Variants in MACF1 observed in about 807,000 individuals in gnomAD.
MACF1 encodes the protein microtubule-actin cross-linking factor 1.
MACF1 carries 193 observed loss-of-function variants against 854.8 expected under a neutral mutation model. The observed-to-expected ratio is 0.23, with a 90% CI of 0.20 to 0.25. The LOEUF (loss-of-function observed/expected upper bound fraction) is 0.25, where lower values mean the gene tolerates loss of function less well. Ranked by LOEUF, MACF1 falls within the 10% of genes least tolerant of loss-of-function variation. The pLI is 1.00. For missense variants in MACF1, 7,722 were observed against 8,929.1 expected (o/e 0.86, Z 5.45); for synonymous variants, 3,185 against 3,226.7 (o/e 0.99, Z 0.44).
At chr1:39,198,697 C>T (rs1435500642) in intron 2 of MACF1, among the ~76,000 whole-genome samples, 1 of 150,380 alleles carries the variant, frequency 6.6e-6, no homozygotes, top group Non-Finnish European at 1.5e-5. Context: ...TGGTGGCACA[C>T]ACCTGTAGTC....
chr1:39,217,376 A>C (rs1211314393), intron 1 of MACF1, among the ~76,000 whole-genome samples: 1 of 151,590 alleles, frequency 6.6e-6, no homozygotes, highest in Non-Finnish European at 1.5e-5. Flanking sequence ...AGGGGCTCAA[A>C]CGATTCTCCT....
intron 97 of MACF1, 141 bp from the exon 98 acceptor site, chr1:39,479,657 T>G: frequency 1.5e-6 from 1 of 674,936 alleles, no homozygotes; most frequent in South Asian, 1.9e-5. Flanking sequence ...TGAATTTATC[T>G]CTATTTTTGA....
At chr1:39,207,282 C>CTT (rs199750797) in intron 1 of MACF1, among the ~76,000 whole-genome samples, 1 of 133,312 alleles carries the variant, frequency 7.5e-6, no homozygotes. Flanking sequence ...TTCTTTCTTT[C>CTT]TTTTTTTTTT....
At chr1:39,131,929 G>T (rs1273397000) in intron 2 of MACF1, among the ~76,000 whole-genome samples, 1 of 152,218 alleles carries the variant, frequency 6.6e-6, no homozygotes, top group Non-Finnish European at 1.5e-5. Flanking sequence ...TTACAGGCAT[G>T]AGCCACTGCA....
intron 49 of MACF1, among the ~76,000 whole-genome samples, chr1:39,366,458 C>T (rs1262553849): frequency 6.6e-6 from 1 of 151,728 alleles, no homozygotes; most frequent in Non-Finnish European, 1.5e-5. Flanking sequence ...GTCTCAGCCT[C>T]CCCAGCAACT....
rs776650958 is a variant in MACF1 at position 39,282,422 on chromosome 1, C to G, written c.695+48C>G. On this transcript the variant is annotated intron_variant, in intron 7 of 100. Coordinates refer to ENST00000564288, the MANE Select transcript of MACF1 (RefSeq NM_001394062.1). ...GCTCCTGCAGGGCTTTTTCTCATCT[C>G]TTGTTTGTAATTAGTTATAATACTG... The G allele has an allele frequency of 5.7e-5, 89 of 1,560,878 alleles. No individual in the cohort carries two copies. The South Asian group carries it at 9.7e-4, about 17-fold the overall frequency.
chr1:39,133,971 G>A (rs1442951796), intron 2 of MACF1, among the ~76,000 whole-genome samples: 1 of 150,668 alleles, frequency 6.6e-6, no homozygotes, highest in Non-Finnish European at 1.5e-5. Flanking sequence ...GTTTGCTAGG[G>A]ATTTGCGTGG....
chr1:39,245,619 A>C (rs1274189775), intron 2 of MACF1, among the ~76,000 whole-genome samples: 1 of 152,118 alleles, frequency 6.6e-6, no homozygotes, highest in Non-Finnish European at 1.5e-5. Context: ...TGGGAGTGGT[A>C]GCTCACACCT....
At chr1:39,376,308 TTTTGAAAATCAG>T (rs1462157653) in intron 52 of MACF1, among the ~76,000 whole-genome samples, 12 of 152,196 alleles carry the variant, frequency 7.9e-5, no homozygotes, top group Admixed American at 1.3e-4. Context: ...TTTTAGGGTG[TTTTGAAAATCAG>T]TTTGAAAATT....
At position 39,199,433 on chromosome 1, in the gene MACF1, T is replaced by C. The variant is rs1308652619; in HGVS notation, c.221-31749T>C. Among the ~76,000 whole-genome samples the C allele has an allele frequency of 2.0e-5, 3 of 152,002 alleles. No homozygotes were observed. In the East Asian group the frequency reaches 5.8e-4, roughly 30 times the overall value. ...TAGGCAGGAGGATTGCTTGATTCCA[T>C]GAGTTTGAGACCAACCTGGGCTGTA... On this transcript the variant is annotated intron_variant, in intron 2 of 93. Transcript: ENST00000361689.
Position 39,358,739 on chromosome 1 carries a change from T to C in MACF1, c.11986T>C (p.Tyr3996His). Residue 3996 changes from tyrosine to histidine, a missense_variant, in exon 46 of 101, where the codon TAT (tyrosine) becomes CAT (histidine). Around this residue, in one of 15 missense-constraint regions of MACF1, gnomAD observed 2,807 missense variants for 3,235.8 expected, o/e 0.87. Transcript: ENST00000564288. ...TCACCTGAATATGCTGTTAGGCCAG[T>C]ATCATCAATTCCAAAACAGTGCTGA... ...GSHLNMLLGQ[Y>H]HQFQNSADSL... is the part of the protein sequence containing the mutation. 6.2e-7 allele frequency: 1 copy of C among 1,614,146 alleles called. No individual in the cohort carries two copies. The highest frequency in any genetic ancestry group is 8.5e-7 in the Non-Finnish European group (1 of 1,180,026).
chr1:39,471,419 A>G (rs1243300715), intron 97 of MACF1, among the ~76,000 whole-genome samples: 1 of 152,228 alleles, frequency 6.6e-6, no homozygotes, highest in East Asian at 1.9e-4. Context: ...AGAATGCTAT[A>G]CTGAGGACAG....
intron 2 of MACF1, among the ~76,000 whole-genome samples, chr1:39,139,680 T>C (rs1026049287): frequency 3.9e-5 from 6 of 152,220 alleles, no homozygotes; most frequent in African/African-American, 1.4e-4. Flanking sequence ...CCATCTCAAA[T>C]GTTACTTTTT....
chr1:39,323,683 ATCT>A (rs1219210578), intron 33 of MACF1, among the ~76,000 whole-genome samples: 1 of 152,014 alleles, frequency 6.6e-6, no homozygotes, highest in Non-Finnish European at 1.5e-5. Flanking sequence ...AACTGTAAAA[ATCT>A]TCTGTCTTTG....
chr1:39,422,241 A>G, intron 58 of MACF1, 133 bp from the exon 59 acceptor site: 1 of 637,740 alleles, frequency 1.6e-6, no homozygotes, highest in Non-Finnish European at 2.7e-6. Context: ...TCACGTGCAA[A>G]TGCTTGTTCT....
At chr1:39,267,039 A>G (rs1056751326) in intron 6 of MACF1, among the ~76,000 whole-genome samples, 19 of 152,148 alleles carry the variant, frequency 1.2e-4, no homozygotes, top group Non-Finnish European at 1.2e-4. Context: ...CTAATTACCA[A>G]TTCAGAACAG....
chr1:39,354,145 C>T (rs1403790518), intron 44 of MACF1, among the ~76,000 whole-genome samples: 1 of 152,184 alleles, frequency 6.6e-6, no homozygotes, highest in African/African-American at 2.4e-5. Context: ...TATACTTGAG[C>T]ATCTGCTTAT....
At chr1:39,205,220 C>T in intron 1 of MACF1, 89 bp downstream of exon 1, 2 of 687,422 alleles carry the variant, frequency 2.9e-6, no homozygotes, top group Non-Finnish European at 5.3e-6. Flanking sequence ...AGTTGCTTTC[C>T]TTAAAGGGCC....
chr1:39,436,534 C>T (rs889958254), intron 70 of MACF1: 10 of 1,591,512 alleles, frequency 6.3e-6, no homozygotes, highest in African/African-American at 1.3e-5. Context: ...TCTTATAATG[C>T]TGAAAATTGA....
Sources: gnomAD v4.1 joint callset for allele counts (sites outside exome capture counted in the v4.1 genomes callset) on GRCh38, gnomAD v4.1.1 for gene constraint, gnomAD v4.1.1 regional missense constraint, MANE v1.5 for transcripts, NCBI Gene and HGNC (gene_info 2026-07-23, HGNC 2026-07-21) for gene names.